Variants in NRXN3 observed in about 807,000 individuals in gnomAD.
The protein encoded by NRXN3 is neurexin 3.
NRXN3 carries 32 observed loss-of-function variants against 137.6 expected under a neutral mutation model. The observed-to-expected ratio is 0.23, with a 90% CI of 0.18 to 0.31. NRXN3 has a LOEUF of 0.31. Ranked by LOEUF, NRXN3 falls within the 10% of genes least tolerant of loss-of-function variation. The probability of loss-of-function intolerance (pLI) is 1.00; values close to 1 mark genes in which losing one functional copy is unlikely to be tolerated. For missense variants in NRXN3, 1,574 were observed against 2,062.5 expected, an observed-to-expected ratio of 0.76 and a Z score of 4.59; for synonymous variants, 798 against 784.5, an observed-to-expected ratio of 1.02 and a Z score of -0.29.
chr14:78,248,840 G>A (rs1211524435), intron 2 of NRXN3, among the ~76,000 whole-genome samples: 2 of 152,030 alleles, frequency 1.3e-5, no homozygotes, highest in Non-Finnish European at 2.9e-5. Context: ...CACAAAGGAG[G>A]GACTGCTGCT....
chr14:79,253,505 A>G (rs1458017147), intron 15 of NRXN3, among the ~76,000 whole-genome samples: 2 of 152,194 alleles, frequency 1.3e-5, no homozygotes, highest in Non-Finnish European at 2.9e-5. Context: ...CTTGCTAACC[A>G]AGTGTATTAG....
chr14:78,883,512 G>C (rs763974150), intron 10 of NRXN3, among the ~76,000 whole-genome samples: 19 of 152,266 alleles, frequency 1.2e-4, no homozygotes, highest in Non-Finnish European at 1.2e-4. Context: ...GAAAACAGAA[G>C]GCAAAAATAG....
chr14:78,208,502 T>G (rs1164222617), intron 1 of NRXN3, among the ~76,000 whole-genome samples: 1 of 152,210 alleles, frequency 6.6e-6, no homozygotes, highest in Non-Finnish European at 1.5e-5. Context: ...CTTTTAAAAT[T>G]CAGATCAAAT....
chr14:78,621,392 T>C (rs540001561), intron 4 of NRXN3, among the ~76,000 whole-genome samples: 19 of 152,342 alleles, frequency 1.2e-4, no homozygotes, highest in African/African-American at 4.6e-4. Flanking sequence ...GAGAAAGTGG[T>C]CAGCCTATTC....
At chr14:78,894,837 A>G (rs1286931411) in intron 10 of NRXN3, among the ~76,000 whole-genome samples, 4 of 151,672 alleles carry the variant, frequency 2.6e-5, no homozygotes, top group Non-Finnish European at 5.9e-5. Flanking sequence ...ACTCCCATCA[A>G]AGTTCTGGAG....
chr14:79,326,407 A>G (rs1268232371), intron 15 of NRXN3, among the ~76,000 whole-genome samples: 1 of 152,152 alleles, frequency 6.6e-6, no homozygotes, highest in Admixed American at 6.5e-5. Flanking sequence ...TCTCCATTAT[A>G]TAGTAAAGAA....
At chr14:79,295,224 T>C (rs1473224731) in intron 15 of NRXN3, among the ~76,000 whole-genome samples, 1 of 152,124 alleles carries the variant, frequency 6.6e-6, no homozygotes, top group Non-Finnish European at 1.5e-5. Flanking sequence ...ATAGTGCCTT[T>C]ATTTGATCAG....
At chr14:78,903,640 A>T (rs2099205033) in intron 10 of NRXN3, among the ~76,000 whole-genome samples, 1 of 152,080 alleles carries the variant, frequency 6.6e-6, no homozygotes, top group South Asian at 2.1e-4. Flanking sequence ...CTTTTAAATC[A>T]TTACACACTT....
At chr14:79,719,610 G>A (rs1487833149) in intron 19 of NRXN3, among the ~76,000 whole-genome samples, 5 of 151,786 alleles carry the variant, frequency 3.3e-5, no homozygotes, top group Non-Finnish European at 1.5e-5. Flanking sequence ...ACGTATTGTA[G>A]AAAAAAATCA....
intron 15 of NRXN3, among the ~76,000 whole-genome samples, chr14:79,180,563 C>T (rs2062816574): frequency 1.3e-5 from 2 of 152,110 alleles, no homozygotes; most frequent in South Asian, 4.1e-4. Flanking sequence ...TAATTAACTG[C>T]TATTTTTTAT....
intron 15 of NRXN3, among the ~76,000 whole-genome samples, chr14:79,305,308 A>G (rs1256984302): frequency 6.6e-6 from 1 of 152,078 alleles, no homozygotes; most frequent in Non-Finnish European, 1.5e-5. Context: ...ATTAACATAC[A>G]AAGTCCTGTG....
Position 79,233,103 on chromosome 14 carries a change from C to A in NRXN3, c.3263-234118C>A, listed in dbSNP as rs74067918. 2.9e-3 allele frequency among the ~76,000 whole-genome samples: 444 copies of A among 152,254 alleles called. 6 individuals are homozygous for A. The highest frequency in any genetic ancestry group is 0.01 in the African/African-American group (421 of 41,554). ...TCATGAATATTCTGTCACATAAATT[C>A]TGTTACATTTCTCTGAAAACATAGG... On this transcript the variant is annotated intron_variant, in intron 15 of 20. Transcript: ENST00000335750.
At chr14:78,675,184 G>A (rs1168698141) in intron 6 of NRXN3, among the ~76,000 whole-genome samples, 3 of 152,162 alleles carry the variant, frequency 2.0e-5, no homozygotes, top group Non-Finnish European at 4.4e-5. Context: ...GCAGAATTGG[G>A]AGGCTTTTTC....
At chr14:78,634,823 T>C (rs1189308889) in intron 4 of NRXN3, among the ~76,000 whole-genome samples, 1 of 152,174 alleles carries the variant, frequency 6.6e-6, no homozygotes, top group Non-Finnish European at 1.5e-5. Context: ...TAGTGATCAC[T>C]ATATAGCTAT....
At chr14:78,999,418 T>C (rs942296528) in intron 15 of NRXN3, among the ~76,000 whole-genome samples, 1 of 152,182 alleles carries the variant, frequency 6.6e-6, no homozygotes, top group Admixed American at 6.5e-5. Flanking sequence ...TAACAGATAC[T>C]CAAAATATAT....
intron 17 of NRXN3, among the ~76,000 whole-genome samples, chr14:79,691,207 G>C (rs189127609): frequency 2.0e-5 from 3 of 152,096 alleles, no homozygotes; most frequent in Non-Finnish European, 1.5e-5. Context: ...CGAAGGAAGA[G>C]GGGGGGCATA....
intron 19 of NRXN3, among the ~76,000 whole-genome samples, chr14:79,751,993 T>C (rs1230154143): frequency 5.3e-5 from 8 of 152,196 alleles, no homozygotes; most frequent in African/African-American, 1.4e-4. Flanking sequence ...ATTGAGGATT[T>C]TTGCATCAAT....
At chr14:78,739,992 C>A (rs1182167735) in intron 8 of NRXN3, among the ~76,000 whole-genome samples, 1 of 152,142 alleles carries the variant, frequency 6.6e-6, no homozygotes, top group East Asian at 1.9e-4. Flanking sequence ...GTGCCACTTG[C>A]CTTTGAGGTC....
intron 19 of NRXN3, among the ~76,000 whole-genome samples, chr14:79,715,015 G>A (rs138070008): frequency 5.9e-5 from 9 of 152,220 alleles, no homozygotes; most frequent in African/African-American, 1.9e-4. Context: ...GGGCAGTGGC[G>A]TGATCGGGGC....
Sources: gnomAD v4.1 joint callset for allele counts (sites outside exome capture counted in the v4.1 genomes callset) on GRCh38, gnomAD v4.1.1 for gene constraint, MANE v1.5 for transcripts, NCBI Gene and HGNC (gene_info 2026-07-23, HGNC 2026-07-21) for gene names.